The following C6 variants were observed in gnomAD, a reference collection of about 807,000 sequenced individuals.
C6 encodes complement C6, also known as complement component C6.
C6 carries 101 observed loss-of-function variants against 112.9 expected under a neutral mutation model. The observed-to-expected ratio is 0.89, with a 90% confidence interval of 0.76 to 1.06. C6 has a LOEUF of 1.06. Among genes scored for constraint, C6 ranks in the 50% least tolerant of loss-of-function variants. The pLI is 0.00. For missense variants in C6, 1,202 were observed against 1,104.6 expected (o/e 1.09, Z -1.25); for synonymous variants, 431 against 384.1 (o/e 1.12, Z -1.43).
intron 15 of C6, among the ~76,000 whole-genome samples, chr5:41,152,540 G>T (rs796543100): frequency 5.3e-5 from 8 of 152,292 alleles, no homozygotes; most frequent in Admixed American, 1.3e-4. Flanking sequence ...CAAGTAGAAG[G>T]TTTGATAAGG....
intron 17 of C6, among the ~76,000 whole-genome samples, chr5:41,145,645 G>A (rs921595536): frequency 1.3e-5 from 2 of 152,204 alleles, no homozygotes; most frequent in Non-Finnish European, 2.9e-5. Flanking sequence ...ACATGCCTGG[G>A]CATCTTGCCC....
chr5:41,227,047 G>A (rs1298916869), intron 1 of C6, among the ~76,000 whole-genome samples: 1 of 152,054 alleles, frequency 6.6e-6, no homozygotes, highest in Non-Finnish European at 1.5e-5. Flanking sequence ...TTTCTATAAT[G>A]TCTGTACAAA....
At position 41,142,531 on chromosome 5, in the gene C6, T is replaced by G; in HGVS notation, c.*294A>C. 2.4e-6 allele frequency: 1 copy of G among 411,918 alleles called. No individual in the cohort carries two copies. The allele number at this position is 411,918 out of a possible 1,614,324, so 25.5% of individuals were successfully genotyped here. A position where few individuals can be genotyped will look rare whatever the true frequency, so the allele number is the denominator to read the frequency against. On this transcript the variant is annotated 3_prime_UTR_variant, in exon 18 of 18. Transcript: ENST00000337836. ...AGAATGCTTAATGTCACAGGCTACATAAGGGCCTCAGAAGTCACATTATTT... is the reference window on the plus strand; with the variant it reads ...AGAATGCTTAATGTCACAGGCTACAGAAGGGCCTCAGAAGTCACATTATTT...
chr5:41,181,292 T>G, intron 7 of C6, 67 bp downstream of exon 7: 1 of 1,396,336 alleles, frequency 7.2e-7, no homozygotes. Flanking sequence ...CCCTTCTTAT[T>G]GCATGATTAC....
intron 4 of C6, among the ~76,000 whole-genome samples, chr5:41,199,399 T>G (rs1389768736): frequency 6.6e-6 from 1 of 152,186 alleles, no homozygotes; most frequent in Non-Finnish European, 1.5e-5. Context: ...GACTTACTCT[T>G]TTGGAATTAA....
chr5:41,159,288 G>A (rs112301093), intron 11 of C6, 35 bp from the exon 12 acceptor site: 2 of 1,606,308 alleles, frequency 1.2e-6, no homozygotes, highest in Middle Eastern at 1.7e-4. Flanking sequence ...CATGGATCAT[G>A]GTGCAGCTGA....
chr5:41,163,000 G>A (rs571893045), intron 9 of C6, among the ~76,000 whole-genome samples: 39 of 152,158 alleles, frequency 2.6e-4, no homozygotes, highest in African/African-American at 8.7e-4. Flanking sequence ...TTTCATAAAT[G>A]GATTGACACT....
rs1748335967 is a variant in C6, at chr5:41,170,489, T to G, written c.1291+1736A>C. Among the ~76,000 whole-genome samples the G allele has an allele frequency of 3.9e-5, 6 of 152,028 alleles. No individual in the cohort carries two copies. The South Asian group carries it at 1.2e-3, about 31-fold the overall frequency. The stretch of plus-strand genomic sequence containing the variant: ...ATTCTTATTAAATTATTTTACTACA[T>G]GATAAACTGATATAGAATCTGTATT... On this transcript the variant is annotated intron_variant, in intron 9 of 17. Coordinates refer to ENST00000337836, the MANE Select transcript of C6 (RefSeq NM_000065.5).
intron 4 of C6, among the ~76,000 whole-genome samples, chr5:41,197,790 C>T (rs557655485): frequency 3.3e-5 from 5 of 152,214 alleles, no homozygotes; most frequent in African/African-American, 1.2e-4. Flanking sequence ...GTCATAAAAA[C>T]TCTATGGAAT....
intron 4 of C6, among the ~76,000 whole-genome samples, chr5:41,196,546 T>C (rs1342978409): frequency 2.0e-5 from 3 of 151,972 alleles, no homozygotes; most frequent in Non-Finnish European, 4.4e-5. Flanking sequence ...TATCTTGACA[T>C]AGGATTGTTT....
intron 1 of C6, among the ~76,000 whole-genome samples, chr5:41,223,814 A>C (rs942955117): frequency 6.6e-6 from 1 of 151,528 alleles, no homozygotes; most frequent in African/African-American, 2.4e-5. Context: ...ATGTTTCAAT[A>C]ATATTCTTTA....
chr5:41,237,907 A>G (rs1740426243), intron 1 of C6, among the ~76,000 whole-genome samples: 1 of 23,396 alleles, frequency 4.3e-5, no homozygotes, highest in Non-Finnish European at 8.6e-5. Context: ...AATGTACAAA[A>G]ATCACAAGCA....
At chr5:41,202,317 T>C (rs914925270) in intron 2 of C6, among the ~76,000 whole-genome samples, 1 of 152,140 alleles carries the variant, frequency 6.6e-6, no homozygotes, top group African/African-American at 2.4e-5. Flanking sequence ...TGGCCAGGAA[T>C]ATTTGCTGTT....
At chr5:41,202,967 T>A (rs1751146921) in intron 2 of C6, 121 bp downstream of exon 2, 3 of 978,610 alleles carry the variant, frequency 3.1e-6, no homozygotes, top group Admixed American at 1.8e-5. Context: ...TCATCCAAAT[T>A]TGTAAGTTCT....
intron 6 of C6, among the ~76,000 whole-genome samples, chr5:41,183,019 G>C (rs1188271580): frequency 6.6e-6 from 1 of 152,208 alleles, no homozygotes; most frequent in African/African-American, 2.4e-5. Flanking sequence ...CCAGTGATCT[G>C]TTAGTAAATG....
chr5:41,222,182 AAAAAG>A (rs1222811095), intron 1 of C6, among the ~76,000 whole-genome samples: 1 of 151,698 alleles, frequency 6.6e-6, no homozygotes, highest in Non-Finnish European at 1.5e-5. Context: ...AAAAAACAAA[AAAAAG>A]AAAAGTAATT....
chr5:41,219,529 TATTCTG>T (rs760528834), intron 1 of C6, among the ~76,000 whole-genome samples: 5 of 152,174 alleles, frequency 3.3e-5, no homozygotes, highest in Non-Finnish European at 4.4e-5. Context: ...GGAAAATTGT[TATTCTG>T]AGTTCTGAGG....
intron 1 of C6, among the ~76,000 whole-genome samples, chr5:41,220,145 T>G (rs1739078421): frequency 6.6e-6 from 1 of 152,262 alleles, no homozygotes; most frequent in East Asian, 1.9e-4. Flanking sequence ...CAAAGACAAA[T>G]GGTTTCCTGA....
intron 9 of C6, among the ~76,000 whole-genome samples, chr5:41,164,392 G>A (rs1311147018): frequency 6.6e-6 from 1 of 152,154 alleles, no homozygotes; most frequent in Non-Finnish European, 1.5e-5. Flanking sequence ...CACACCATGG[G>A]CAAGGACCTG....
Sources: gnomAD v4.1 joint callset for allele counts (sites outside exome capture counted in the v4.1 genomes callset) on GRCh38, gnomAD v4.1.1 for gene constraint, MANE v1.5 for transcripts, NCBI Gene and HGNC (gene_info 2026-07-23, HGNC 2026-07-21) for gene names.